The following AFAP1L1 variants were observed in gnomAD, a reference collection of about 807,000 sequenced individuals.
AFAP1L1 encodes actin filament-associated protein 1-like 1.
In AFAP1L1, 77 loss-of-function variants were observed where a neutral mutation model predicts 99.8. The ratio of observed to expected loss-of-function variants is 0.77; its 90% CI spans 0.64 to 0.93. AFAP1L1 has a LOEUF of 0.93. Ranked by LOEUF, AFAP1L1 falls within the 40% of genes least tolerant of loss-of-function variation. AFAP1L1 has a pLI of 0.00. For synonymous variants in AFAP1L1, 373 were observed against 395.3 expected (o/e 0.94, Z 0.67); for missense variants, 893 against 996.8 (o/e 0.90, Z 1.40).
At chr5:149,328,149 T>G (rs1281943696) in intron 15 of AFAP1L1, among the ~76,000 whole-genome samples, 1 of 152,202 alleles carries the variant, frequency 6.6e-6, no homozygotes, top group East Asian at 1.9e-4. Context: ...GTATTTATGA[T>G]CAGGCTTGAA....
At position 149,312,039 on chromosome 5, in the gene AFAP1L1, C is replaced by G. The variant is rs558546594; in HGVS notation, c.928-73C>G. The G allele has an allele frequency of 1.9e-5, 27 of 1,393,038 alleles. No homozygotes were observed. The African/African-American group carries it at 3.8e-4, about 20-fold the overall frequency. 86.3% of individuals were successfully genotyped at this position (1,393,038 alleles called of 1,614,324 possible). A position where few individuals can be genotyped will look rare whatever the true frequency, so the allele number is the denominator to read the frequency against. On this transcript the variant is annotated intron_variant, in intron 8 of 18. Transcript: ENST00000296721. ...ACCCTCTGTTCTACAGCATTCACCA[C>G]ACAGTCCCCATTCTTCCTTTGCATC...
intron 1 of AFAP1L1, among the ~76,000 whole-genome samples, chr5:149,294,412 A>G (rs1325801839): frequency 1.3e-5 from 2 of 152,220 alleles, no homozygotes; most frequent in Non-Finnish European, 2.9e-5. Context: ...TGAATTCTCT[A>G]AAATTAAAGA....
chr5:149,310,202 T>C (rs978361992), intron 8 of AFAP1L1, 67 bp downstream of exon 8: 1 of 1,474,414 alleles, frequency 6.8e-7, no homozygotes, highest in Non-Finnish European at 9.0e-7. Context: ...CAGCCCTCAG[T>C]AGAGCTGGCT....
Position 149,329,685 on chromosome 5 carries a change from T to C in AFAP1L1, c.1830T>C (p.Tyr610=). The C allele has an allele frequency of 6.2e-7, 1 of 1,613,628 alleles. No individual in the cohort carries two copies. The highest frequency in any genetic ancestry group is 8.5e-7 in the Non-Finnish European group (1 of 1,179,868). Residue 610 remains tyrosine (Y), a synonymous_variant, in exon 16 of 19, where the codon TAT becomes TAC. Transcript: ENST00000296721. The stretch of plus-strand genomic sequence containing the variant: ...CTGCAGGTGCCAATCAATACAAGTA[T>C]GGCAAGAACCGAGCCGAGGAGGATG... ...RHASSANQYK[Y]GKNRAEEDAR... is the part of the protein sequence containing the mutation.
chr5:149,322,515 A>C (rs1756978567), intron 14 of AFAP1L1, 91 bp from the exon 15 acceptor site: 1 of 817,900 alleles, frequency 1.2e-6, no homozygotes, highest in Non-Finnish European at 1.9e-6. Flanking sequence ...CAGAGCAAGA[A>C]GACTCCATAC....
chr5:149,294,826 C>T (rs1339089830), intron 1 of AFAP1L1, among the ~76,000 whole-genome samples: 1 of 152,196 alleles, frequency 6.6e-6, no homozygotes, highest in Non-Finnish European at 1.5e-5. Flanking sequence ...CCCCCCAGCC[C>T]CAGCCTGGCC....
intron 2 of AFAP1L1, among the ~76,000 whole-genome samples, 163 bp from the exon 3 acceptor site, chr5:149,300,108 G>A (rs1452555087): frequency 6.6e-6 from 1 of 152,218 alleles, no homozygotes. Flanking sequence ...CAATAACAGT[G>A]TAAAAACTAA....
At chr5:149,302,309 C>T in intron 4 of AFAP1L1, 109 bp from the exon 5 acceptor site, 2 of 679,672 alleles carry the variant, frequency 2.9e-6, no homozygotes, top group Non-Finnish European at 2.4e-6. Flanking sequence ...GGTATGGCTT[C>T]ACATTCACAC....
intron 1 of AFAP1L1, among the ~76,000 whole-genome samples, chr5:149,282,801 G>A (rs1188096446): frequency 6.6e-6 from 1 of 152,138 alleles, no homozygotes; most frequent in East Asian, 1.9e-4. Flanking sequence ...GGATTCTGAG[G>A]GTGTGTCCAA....
chr5:149,280,149 C>G (rs1159247803), intron 1 of AFAP1L1, among the ~76,000 whole-genome samples: 1 of 152,218 alleles, frequency 6.6e-6, no homozygotes. Context: ...TTCTCCATGT[C>G]AATGATTCTC....
intron 9 of AFAP1L1, among the ~76,000 whole-genome samples, chr5:149,313,344 G>A (rs1160749212): frequency 6.6e-6 from 1 of 152,192 alleles, no homozygotes; most frequent in African/African-American, 2.4e-5. Flanking sequence ...CGATGTAATC[G>A]AGGCTAGTAT....
intron 1 of AFAP1L1, among the ~76,000 whole-genome samples, chr5:149,286,715 C>T (rs1166805206): frequency 6.6e-6 from 1 of 152,174 alleles, no homozygotes; most frequent in East Asian, 1.9e-4. Context: ...GGTGCTCCTG[C>T]TTCTCAACAG....
chr5:149,280,307 T>A (rs968944048), intron 1 of AFAP1L1, among the ~76,000 whole-genome samples: 7 of 152,198 alleles, frequency 4.6e-5, no homozygotes, highest in African/African-American at 1.7e-4. Context: ...GATAGGAGCT[T>A]CCTGTTTCTG....
chr5:149,291,991 C>T (rs1755874680), intron 1 of AFAP1L1, among the ~76,000 whole-genome samples: 1 of 152,174 alleles, frequency 6.6e-6, no homozygotes, highest in Non-Finnish European at 1.5e-5. Flanking sequence ...TTTGTGATCT[C>T]TGTAAAGAGG....
chr5:149,290,147 T>G (rs1466463658), intron 1 of AFAP1L1, among the ~76,000 whole-genome samples: 1 of 152,142 alleles, frequency 6.6e-6, no homozygotes, highest in Non-Finnish European at 1.5e-5. Context: ...GCAGGAGAAT[T>G]GCTTGAACCC....
At position 149,299,652 on chromosome 5, in the gene AFAP1L1, G is replaced by C; in HGVS notation, c.145+15G>C. ...GCCCCTTCCAGGTTAGCCGCCAGCAGCCTGCCTGGAGGAGCTCCACTTATG... is the reference window on the plus strand; with the variant it reads ...GCCCCTTCCAGGTTAGCCGCCAGCACCCTGCCTGGAGGAGCTCCACTTATG... On this transcript the variant is annotated intron_variant, in intron 2 of 18. Transcript: ENST00000296721. 6.2e-7 allele frequency: 1 copy of C among 1,614,038 alleles called. No homozygotes were observed. Among genetic ancestry groups the C allele is most frequent in the Non-Finnish European group, 8.5e-7 (1 of 1,179,966 alleles).
At chr5:149,329,603 C>G in intron 15 of AFAP1L1, 63 bp from the exon 16 acceptor site, 2 of 1,492,680 alleles carry the variant, frequency 1.3e-6, no homozygotes, top group Admixed American at 2.5e-5. Context: ...GAAGCTGACA[C>G]CACACAAGTA....
At chr5:149,337,993 C>A (rs917878187) in intron 18 of AFAP1L1, among the ~76,000 whole-genome samples, 3 of 152,154 alleles carry the variant, frequency 2.0e-5, no homozygotes, top group Non-Finnish European at 2.9e-5. Context: ...AGAGGGAAAG[C>A]GAGCGTGGAA....
At chr5:149,281,635 G>C (rs920843780) in intron 1 of AFAP1L1, among the ~76,000 whole-genome samples, 19 of 152,328 alleles carry the variant, frequency 1.2e-4, no homozygotes, top group Admixed American at 7.2e-4. Context: ...AGTAGATACT[G>C]TCATATTCCC....
Sources: gnomAD v4.1 joint callset for allele counts (sites outside exome capture counted in the v4.1 genomes callset) on GRCh38, gnomAD v4.1.1 for gene constraint, MANE v1.5 for transcripts, NCBI Gene and HGNC (gene_info 2026-07-23, HGNC 2026-07-21) for gene names.